The following AFG3L2 variants were observed in gnomAD, a reference collection of about 807,000 sequenced individuals.
The protein encoded by AFG3L2 is mitochondrial inner membrane m-AAA protease component AFG3L2.
In AFG3L2, 54 loss-of-function variants were observed where a neutral mutation model predicts 94.5. The ratio of observed to expected loss-of-function variants is 0.57; its 90% CI spans 0.46 to 0.72. The LOEUF (loss-of-function observed/expected upper bound fraction) is 0.72, where lower values mean the gene tolerates loss of function less well. Ranked by LOEUF, AFG3L2 falls within the 30% of genes least tolerant of loss-of-function variation. The probability of loss-of-function intolerance (pLI) is 0.00; values close to 1 mark genes in which losing one functional copy is unlikely to be tolerated. For missense variants in AFG3L2, 754 were observed against 994.9 expected (o/e 0.76, Z 3.26); for synonymous variants, 377 against 365.5 (o/e 1.03, Z -0.36).
At chr18:12,376,896 G>A (rs1472478396) in intron 1 of AFG3L2, 73 bp downstream of exon 1, 62 of 1,193,692 alleles carry the variant, frequency 5.2e-5, no homozygotes, top group Non-Finnish European at 6.8e-5. Context: ...CAGTGACCTT[G>A]ACGTCCGCTC....
In AFG3L2 at chr18:12,329,567, A is replaced by G. The variant is rs773545779; in HGVS notation, c.2392T>C (p.Ter798GlnextTer32). 52 of 1,613,818 alleles carry G rather than the reference A, an allele frequency of 3.2e-5. No homozygotes were observed. Among genetic ancestry groups the G allele is most frequent in the Non-Finnish European group, 4.3e-5 (51 of 1,179,998 alleles). ...EEPPGEKVAN[*>Q] ...TGAGATGGCCTCCCTCTGGGCCTCT[A>G]GTTGGCAACTTTCTCACCCGGGGGC... Residue 798 changes from the stop codon to glutamine (Q), a stop_lost, in exon 17 of 17, where the codon TAG becomes CAG. Transcript: ENST00000269143.
rs1419067881 is a variant in AFG3L2 at position 12,358,526 on chromosome 18, G to A, written c.1026+144C>T. On this transcript the variant is annotated intron_variant, in intron 8 of 16. Transcript: ENST00000269143. ...ACAGAACTGACCCAAAACGATCCTC[G>A]AGTTGGGCAGAGGCTAGCCTAGTAA... The A allele has an allele frequency of 3.6e-5, 38 of 1,066,932 alleles. No homozygotes were observed. The Admixed American group carries it at 7.2e-4, about 20-fold the overall frequency. The allele number at this position is 1,066,932 out of a possible 1,614,324, so 66.1% of individuals were successfully genotyped here. A position where few individuals can be genotyped will look rare whatever the true frequency, so the allele number is the denominator to read the frequency against.
intron 2 of AFG3L2, 135 bp downstream of exon 2, chr18:12,371,457 T>C (rs923741743): frequency 6.8e-6 from 5 of 736,012 alleles, no homozygotes; most frequent in African/African-American, 1.8e-5. Flanking sequence ...TATCTACAAA[T>C]GTGTTACATT....
At chr18:12,333,092 T>A (rs1907617634) in intron 16 of AFG3L2, among the ~76,000 whole-genome samples, 1 of 96,794 alleles carries the variant, frequency 1.0e-5, no homozygotes, top group Non-Finnish European at 1.9e-5. Context: ...TATAATAGAT[T>A]ATAATCTATT....
chr18:12,341,550 T>G (rs188088758), intron 14 of AFG3L2: 1 of 152,238 alleles, frequency 6.6e-6, no homozygotes, highest in African/African-American at 2.4e-5. Context: ...TTGTTTGGCC[T>G]CTTTCCCTGT....
chr18:12,351,755 C>T (rs531260413), intron 10 of AFG3L2, among the ~76,000 whole-genome samples: 111 of 152,208 alleles, frequency 7.3e-4, no homozygotes, highest in Admixed American at 2.1e-3. Context: ...CCATGTTGGT[C>T]AGGCTGGTCT....
chr18:12,363,595 A>G (rs531662733), intron 6 of AFG3L2, among the ~76,000 whole-genome samples, 187 bp downstream of exon 6: 6 of 152,310 alleles, frequency 3.9e-5, no homozygotes, highest in Admixed American at 2.0e-4. Flanking sequence ...CCCAATCCCT[A>G]TATCAATAAT....
In AFG3L2 at chr18:12,337,763, T is replaced by C. The variant is rs56079355; in HGVS notation, c.1981-228A>G. Among the ~76,000 whole-genome samples the C allele has an allele frequency of 0.019, 2,913 of 152,288 alleles. 85 individuals carry two copies. Among genetic ancestry groups the C allele is most frequent in the African/African-American group, 0.066 (2,733 of 41,570 alleles). On this transcript the variant is annotated intron_variant, in intron 15 of 16. Transcript: ENST00000269143. ...CGCAAATCCCAACTGTATGATATTA[T>C]TACCTGATTTCTCTCTTTTTTTTTT...
chr18:12,367,459 TTAA>T, intron 3 of AFG3L2, 77 bp from the exon 4 acceptor site: 2 of 1,344,898 alleles, frequency 1.5e-6, no homozygotes, highest in Non-Finnish European at 2.1e-6. Context: ...TGTATACGGT[TTAA>T]TAAAAGACTC....
At chr18:12,367,735 TC>T (rs1297175653) in intron 3 of AFG3L2, among the ~76,000 whole-genome samples, 1 of 152,148 alleles carries the variant, frequency 6.6e-6, no homozygotes, top group Admixed American at 6.5e-5. Context: ...GGATGCAAAT[TC>T]CTCAGTCCCC....
rs201522350 is a variant in AFG3L2 at position 12,352,999 on chromosome 18, A to T, written c.1318+6T>A. The T allele has an allele frequency of 6.2e-7, 1 of 1,612,318 alleles. No individual in the cohort carries two copies. The highest frequency in any genetic ancestry group is 2.2e-5 in the East Asian group (1 of 44,826). ...AGTTAAAGATACAAAAGCCTTGACCACTCACCATCCATCTCCACCAGCAGC... is the reference window on the plus strand; with the variant it reads ...AGTTAAAGATACAAAAGCCTTGACCTCTCACCATCCATCTCCACCAGCAGC... On this transcript the variant is annotated splice_donor_region_variant and intron_variant, in intron 10 of 16. Coordinates refer to ENST00000269143, the MANE Select transcript of AFG3L2 (RefSeq NM_006796.3).
In AFG3L2 at chr18:12,376,934, G is replaced by A. The variant is rs186981080; in HGVS notation, c.114+35C>T. Reference sequence around the variant, plus strand: ...CCGAGCCGGAAGTGGGCCCGAGGCAGGGTGGAGGGCGCCGGGCGCCCAGGT... The same window carrying A: ...CCGAGCCGGAAGTGGGCCCGAGGCAAGGTGGAGGGCGCCGGGCGCCCAGGT... On this transcript the variant is annotated intron_variant, in intron 1 of 16. Coordinates refer to ENST00000269143, the MANE Select transcript of AFG3L2 (RefSeq NM_006796.3). 359 of 1,386,646 alleles carry A rather than the reference G, an allele frequency of 2.6e-4. 1 individual carries two copies. In the East Asian group the frequency reaches 0.011, roughly 42 times the overall value. The allele number at this position is 1,386,646 out of a possible 1,614,324, so 85.9% of individuals were successfully genotyped here.
In AFG3L2 at chr18:12,348,387, A is replaced by C; in HGVS notation, c.1553-4T>G. 2 of 1,612,934 alleles carry C rather than the reference A, an allele frequency of 1.2e-6. No homozygotes were observed. Among genetic ancestry groups the C allele is most frequent in the Non-Finnish European group, 1.7e-6 (2 of 1,178,904 alleles). ...CAGACATTAGCAACATCAGCACCTA[A>C]AAAATGAACACAGAACAGCTTACCC... On this transcript the variant is annotated splice_polypyrimidine_tract_variant and splice_region_variant and intron_variant, in intron 12 of 16. Coordinates refer to ENST00000269143, the MANE Select transcript of AFG3L2 (RefSeq NM_006796.3).
chr18:12,345,442 T>C (rs1023752866), intron 13 of AFG3L2, among the ~76,000 whole-genome samples: 2 of 152,248 alleles, frequency 1.3e-5, no homozygotes, highest in African/African-American at 4.8e-5. Context: ...TCAGCTGATG[T>C]TAAGGAGACT....
At chr18:12,339,236 CAAAAAAAA>C (rs539968042) in intron 15 of AFG3L2, among the ~76,000 whole-genome samples, 2 of 41,300 alleles carry the variant, frequency 4.8e-5, no homozygotes, top group Non-Finnish European at 8.0e-5. Context: ...GACTCTGTCT[CAAAAAAAA>C]AAAAAAAAAA....
intron 1 of AFG3L2, among the ~76,000 whole-genome samples, chr18:12,372,657 T>G (rs951348505): frequency 1.3e-5 from 2 of 152,152 alleles, no homozygotes; most frequent in African/African-American, 4.8e-5. Context: ...CACCTGATGA[T>G]GAACAGATAA....
intron 5 of AFG3L2, among the ~76,000 whole-genome samples, chr18:12,364,093 T>C (rs980462230): frequency 6.6e-6 from 1 of 151,954 alleles, no homozygotes; most frequent in Non-Finnish European, 1.5e-5. Flanking sequence ...TCCTTACACT[T>C]GCACTACACA....
chr18:12,333,352 T>TTA (rs374536120), intron 16 of AFG3L2, among the ~76,000 whole-genome samples: 4 of 131,570 alleles, frequency 3.0e-5, no homozygotes, highest in South Asian at 2.2e-4. Flanking sequence ...TAATATATAA[T>TTA]TATATATATA....
Position 12,353,921 on chromosome 18 carries a change from A to G in AFG3L2, c.1165-763T>C, listed in dbSNP as rs142860439. Among the ~76,000 whole-genome samples the G allele has an allele frequency of 9.9e-3, 1,511 of 152,296 alleles. 25 individuals are homozygous for G. Among genetic ancestry groups the G allele is most frequent in the African/African-American group, 0.034 (1,420 of 41,556 alleles). On this transcript the variant is annotated intron_variant, in intron 9 of 16. Transcript: ENST00000269143. ...TCTATGCAATCACACATATACAGTG[A>G]AGCCAAAGACCATCCAAGCCCATCA...
Sources: allele counts gnomAD v4.1 joint callset (sites outside exome capture counted in the v4.1 genomes callset), GRCh38; gene constraint gnomAD v4.1.1; transcripts MANE v1.5; gene names NCBI Gene and HGNC (gene_info 2026-07-23, HGNC 2026-07-21).